Variants in PIR observed in about 807,000 individuals in gnomAD.
The protein encoded by PIR is pirin.
PIR carries 22 observed loss-of-function variants against 24.2 expected under a neutral mutation model. The observed-to-expected ratio is 0.91, with a 90% confidence interval of 0.65 to 1.30. The LOEUF (loss-of-function observed/expected upper bound fraction) is 1.30. Among genes scored for constraint, PIR ranks in the 50% most tolerant of loss-of-function variants. The probability of loss-of-function intolerance (pLI) is 0.00; values close to 1 mark genes in which losing one functional copy is unlikely to be tolerated. For synonymous variants in PIR, 80 were observed against 79.6 expected (o/e 1.00, Z -0.03); for missense variants, 220 against 220.3 (o/e 1.00, Z 0.01).
chrX:15,470,727 G>A (rs1323057253), intron 3 of PIR, among the ~76,000 whole-genome samples: 1 of 107,512 alleles, frequency 9.3e-6, no homozygotes, highest in Non-Finnish European at 1.9e-5. Context: ...TCAGCCTCCC[G>A]AGTAGCTGGG....
At chrX:15,420,930 G>A (rs1925110708) in intron 6 of PIR, among the ~76,000 whole-genome samples, 1 of 112,032 alleles carries the variant, frequency 8.9e-6, no homozygotes, top group Admixed American at 9.5e-5. Context: ...TAAAAGAGTA[G>A]TTATGATTCC....
At chrX:15,431,671 A>ACC (rs144106667) in intron 5 of PIR, among the ~76,000 whole-genome samples, 1,407 of 77,155 alleles carry the variant, frequency 0.018, 29 homozygotes, top group African/African-American at 0.036. Context: ...AAAAATAACC[A>ACC]CCCCCCCCCC....
intron 5 of PIR, among the ~76,000 whole-genome samples, chrX:15,446,125 G>A (rs1019818184): frequency 1.4e-4 from 15 of 110,799 alleles, no homozygotes; most frequent in Non-Finnish European, 2.5e-4. Flanking sequence ...CACCACACCC[G>A]GCCTATTCAA....
In PIR at chrX:15,430,265, A is replaced by G. The variant is rs181217363; in HGVS notation, c.481-4275T>C. ...TTCAGTTCTGATTAATAATGCCTGC[A>G]GAGGTACTAAAATCCAAAGCTCTTC... is the stretch of plus-strand genomic sequence containing the variant. On this transcript the variant is annotated intron_variant, in intron 5 of 9. Transcript: ENST00000380420. Among the ~76,000 whole-genome samples, 457 of 110,838 alleles carry G rather than the reference A, an allele frequency of 4.1e-3. 2 individuals carry two copies. Among genetic ancestry groups the G allele is most frequent in the African/African-American group, 0.015 (443 of 30,469 alleles).
intron 5 of PIR, among the ~76,000 whole-genome samples, chrX:15,449,165 T>C (rs1349643926): frequency 8.9e-6 from 1 of 111,972 alleles, no homozygotes; most frequent in Non-Finnish European, 1.9e-5. Flanking sequence ...AGAGGGGACC[T>C]GGGTTGGACC....
chrX:15,478,980 T>C (rs1922354649), intron 3 of PIR, among the ~76,000 whole-genome samples: 1 of 112,355 alleles, frequency 8.9e-6, no homozygotes, highest in Non-Finnish European at 1.9e-5. Flanking sequence ...TGGTTAAACA[T>C]TGTAACTAGG....
chrX:15,455,711 T>TA, intron 5 of PIR, 137 bp downstream of exon 5: 1 of 518,424 alleles, frequency 1.9e-6, no homozygotes, highest in Non-Finnish European at 3.3e-6. Flanking sequence ...AGGTTGCACT[T>TA]ATTCTGACAA....
rs186089271 is a variant in PIR, at chrX:15,384,961, G to A, written c.*43C>T. 947 of 716,197 alleles carry A rather than the reference G, an allele frequency of 1.3e-3. 7 individuals are homozygous for A. The African/African-American group carries it at 0.018, about 13-fold the overall frequency. The allele number at this position is 716,197 out of a possible 1,213,427, so 59.0% of individuals were successfully genotyped here. On this transcript the variant is annotated 3_prime_UTR_variant, in exon 10 of 10. Coordinates refer to ENST00000380420, the MANE Select transcript of PIR (RefSeq NM_001018109.3). The stretch of plus-strand genomic sequence containing the variant: ...CTTCAATGGCTCAATCTCAGAAATG[G>A]CAAAATTCTAGGACACATCAAGACC...
At chrX:15,483,164 C>CATACATATATATATATATATAT (rs1555962827) in intron 2 of PIR, among the ~76,000 whole-genome samples, 1 of 56,937 alleles carries the variant, frequency 1.8e-5, no homozygotes, top group East Asian at 5.9e-4. Flanking sequence ...ATACATTATA[C>CATACATATATATATATATATAT]ATATATATAT....
chrX:15,481,299 T>G (rs753783985), intron 2 of PIR, among the ~76,000 whole-genome samples: 3 of 112,330 alleles, frequency 2.7e-5, no homozygotes, highest in Non-Finnish European at 5.6e-5. Context: ...TAGAAACATA[T>G]CTGGTTGTCA....
At chrX:15,479,072 C>T (rs1401134351) in intron 3 of PIR, among the ~76,000 whole-genome samples, 1 of 112,143 alleles carries the variant, frequency 8.9e-6, no homozygotes, top group Admixed American at 9.5e-5. Context: ...TTATGTTACA[C>T]ATTTTATTTC....
At chrX:15,393,715 G>A (rs1375559786) in intron 8 of PIR, among the ~76,000 whole-genome samples, 4 of 108,747 alleles carry the variant, frequency 3.7e-5, no homozygotes, top group African/African-American at 1.3e-4. Flanking sequence ...AATGCCTAAT[G>A]ATCTGTCACT....
intron 5 of PIR, among the ~76,000 whole-genome samples, chrX:15,448,034 G>A (rs780788786): frequency 3.6e-5 from 4 of 111,709 alleles, no homozygotes; most frequent in African/African-American, 9.8e-5. Context: ...AGGGCTTGTC[G>A]CCACGACTGA....
intron 5 of PIR, among the ~76,000 whole-genome samples, chrX:15,431,296 C>A (rs1005239808): frequency 8.9e-6 from 1 of 111,754 alleles, no homozygotes; most frequent in Non-Finnish European, 1.9e-5. Flanking sequence ...TGTTAACTTT[C>A]GACGAATCTC....
intron 5 of PIR, among the ~76,000 whole-genome samples, chrX:15,427,955 A>G (rs891989591): frequency 1.4e-4 from 16 of 111,240 alleles, no homozygotes; most frequent in African/African-American, 5.2e-4. Flanking sequence ...GTCAAAATAT[A>G]TTGTCTGTAC....
chrX:15,415,168 C>A (rs1036334018), intron 6 of PIR, among the ~76,000 whole-genome samples: 2 of 111,488 alleles, frequency 1.8e-5, no homozygotes, highest in Non-Finnish European at 3.8e-5. Context: ...TACTCACTAA[C>A]TAATTGATAT....
At chrX:15,489,265 A>T (rs774623029) in intron 2 of PIR, among the ~76,000 whole-genome samples, 1 of 112,777 alleles carries the variant, frequency 8.9e-6, no homozygotes, top group East Asian at 2.8e-4. Flanking sequence ...AATAGTTTTT[A>T]AAATTGTTCT....
chrX:15,466,714 C>T (rs760658166), intron 3 of PIR, among the ~76,000 whole-genome samples: 11 of 111,678 alleles, frequency 9.8e-5, no homozygotes, highest in Middle Eastern at 4.7e-3. Context: ...ACCACAGCTC[C>T]GTGGGCAGAG....
chrX:15,460,138 G>A (rs1921242861), intron 3 of PIR, among the ~76,000 whole-genome samples: 1 of 111,643 alleles, frequency 9.0e-6, no homozygotes, highest in African/African-American at 3.3e-5. Context: ...CTTATACATT[G>A]CTGGTGGAAC....
Sources: gnomAD v4.1 joint callset for allele counts (sites outside exome capture counted in the v4.1 genomes callset) on GRCh38, gnomAD v4.1.1 for gene constraint, MANE v1.5 for transcripts, NCBI Gene and HGNC (gene_info 2026-07-23, HGNC 2026-07-21) for gene names.